Variants in NAV3 observed in about 807,000 individuals in gnomAD.
The protein encoded by NAV3 is neuron navigator 3.
NAV3 carries 87 observed loss-of-function variants against 244.7 expected under a neutral mutation model. The ratio of observed to expected loss-of-function variants is 0.36; its 90% CI spans 0.30 to 0.42. NAV3 has a LOEUF of 0.42. Ranked by LOEUF, NAV3 falls within the 20% of genes least tolerant of loss-of-function variation. The pLI, the probability that NAV3 is intolerant of heterozygous loss-of-function variation, is 1.00. For missense variants in NAV3, 2,663 were observed against 2,893.3 expected, an observed-to-expected ratio of 0.92 and a Z score of 1.83; for synonymous variants, 1,126 against 1,042.2, an observed-to-expected ratio of 1.08 and a Z score of -1.55.
intron 1 of NAV3, among the ~76,000 whole-genome samples, chr12:77,863,130 C>T (rs1879497738): frequency 6.6e-6 from 1 of 151,826 alleles, no homozygotes; most frequent in East Asian, 1.9e-4. Context: ...ACCAATCCAA[C>T]AAGTTTATAT....
Position 77,797,442 on chromosome 12 carries a change from A to G in NAV3, c.73-142877A>G, listed in dbSNP as rs75675855. 5.5e-3 allele frequency among the ~76,000 whole-genome samples: 827 copies of G among 150,550 alleles called. 11 individuals carry two copies. Among genetic ancestry groups the G allele is most frequent in the African/African-American group, 0.019 (788 of 40,958 alleles). On this transcript the variant is annotated intron_variant, in intron 2 of 8. Coordinates refer to the NAV3 transcript ENST00000550042. Reference sequence around the variant, plus strand: ...AGTTTGTTATTATAGATTTTATTATATATTTTGGGCAAATTGGTAAACACA... The same window carrying G: ...AGTTTGTTATTATAGATTTTATTATGTATTTTGGGCAAATTGGTAAACACA...
rs779364938 is a variant in NAV3, at chr12:78,007,003, G to T, written c.1465G>T (p.Asp489Tyr). 3 of 1,614,074 alleles carry T rather than the reference G, an allele frequency of 1.9e-6. No homozygotes were observed. Among genetic ancestry groups the T allele is most frequent in the Non-Finnish European group, 2.5e-6 (3 of 1,180,028 alleles). The stretch of plus-strand genomic sequence containing the variant: ...TGAAAAACCAGTCAAAGAAGAGAAG[G>T]ATCAGGTGACAGAGATGGCTCCAAA... ...CTEKPVKEEK[D>Y]QVTEMAPKKT... is the part of the protein sequence containing the mutation. The change falls in exon 8 of 40, where the codon GAT (aspartate) becomes TAT (tyrosine). Residue 489 changes from aspartate to tyrosine, a missense_variant. Around this residue, in one of 6 missense-constraint regions of NAV3, gnomAD observed 1,521 missense variants for 1,497.0 expected, o/e 1.02. Transcript: ENST00000397909.
chr12:78,031,496 T>A (rs533813913), intron 9 of NAV3, among the ~76,000 whole-genome samples: 9 of 152,168 alleles, frequency 5.9e-5, no homozygotes, highest in African/African-American at 1.9e-4. Flanking sequence ...TCAGGACTTT[T>A]CCTGAGGTTG....
intron 8 of NAV3, chr12:78,011,045 A>G (rs1875185211): frequency 1.3e-5 from 2 of 152,148 alleles, no homozygotes; most frequent in South Asian, 4.1e-4. Flanking sequence ...GTAGTTTCAA[A>G]TTTGCTGTTA....
chr12:78,189,975 T>C lies in NAV3; in HGVS notation c.6056-9T>C, dbSNP rs1213399190. On this transcript the variant is annotated splice_polypyrimidine_tract_variant and intron_variant, in intron 33 of 39. Coordinates refer to ENST00000397909, the MANE Select transcript of NAV3 (RefSeq NM_001024383.2). ...ATAAATCATGCTATTTTTTTGTTTCTTCTTTCAGGGGTAGAAGAAAATAGT... is the reference window on the plus strand; with the variant it reads ...ATAAATCATGCTATTTTTTTGTTTCCTCTTTCAGGGGTAGAAGAAAATAGT... 6.2e-7 allele frequency: 1 copy of C among 1,605,638 alleles called. No homozygotes were observed. Among genetic ancestry groups the C allele is most frequent in the Admixed American group, 1.7e-5 (1 of 59,566 alleles).
At chr12:77,963,332 C>T (rs1198063346) in intron 3 of NAV3, among the ~76,000 whole-genome samples, 1 of 152,076 alleles carries the variant, frequency 6.6e-6, no homozygotes, top group African/African-American at 2.4e-5. Context: ...AAAATCCACT[C>T]AAATTATCTT....
At chr12:77,830,461 T>A (rs1296640304), upstream of NAV3, among the ~76,000 whole-genome samples, 1 of 152,254 alleles carries the variant, frequency 6.6e-6, no homozygotes, top group Non-Finnish European at 1.5e-5. Context: ...CATAAAATGC[T>A]TAGCTCCATA....
intron 2 of NAV3, among the ~76,000 whole-genome samples, chr12:77,692,370 G>T (rs1169921514): frequency 6.6e-6 from 1 of 151,964 alleles, no homozygotes; most frequent in African/African-American, 2.4e-5. Context: ...TGGGTCAAAG[G>T]CACTGTTCTA....
At chr12:78,079,618 A>C (rs1365772263) in intron 12 of NAV3, among the ~76,000 whole-genome samples, 2 of 152,252 alleles carry the variant, frequency 1.3e-5, no homozygotes, top group Admixed American at 6.5e-5. Flanking sequence ...AAAAATTATT[A>C]GCAGACATCA....
At chr12:77,729,041 G>T (rs1308978502) in intron 2 of NAV3, among the ~76,000 whole-genome samples, 3 of 151,898 alleles carry the variant, frequency 2.0e-5, no homozygotes, top group Non-Finnish European at 4.4e-5. Context: ...TGTATTGTAA[G>T]AATATAGTAT....
Position 78,051,122 on chromosome 12 carries a change from C to T in NAV3, c.2491C>T (p.Leu831Phe), listed in dbSNP as rs765545087. Residue 831 changes from leucine (L) to phenylalanine (F), a missense_variant, in exon 11 of 40, where the codon CTC (leucine) becomes TTC (phenylalanine). By Grantham distance (22) the Leu-to-Phe change is conservative (BLOSUM62 0). Transcript: ENST00000397909. ...TGATGGTGATATCCTTGGGAAAAGTCTCAGGACTGATGACATCAACAGTGG... is the reference window on the plus strand; with the variant it reads ...TGATGGTGATATCCTTGGGAAAAGTTTCAGGACTGATGACATCAACAGTGG... Reference protein sequence around the residue: ...MSDGDILGKSLRTDDINSGYM... With the variant: ...MSDGDILGKSFRTDDINSGYM... The T allele has an allele frequency of 6.2e-7, 1 of 1,611,418 alleles. No homozygotes were observed. Among genetic ancestry groups the T allele is most frequent in the Admixed American group, 1.7e-5 (1 of 59,978 alleles).
At position 78,011,981 on chromosome 12, in the gene NAV3, G is replaced by A. The variant is rs1164933994; in HGVS notation, c.1907+4536G>A. On this transcript the variant is annotated intron_variant, in intron 8 of 39. Transcript: ENST00000397909. ...CACTCACTATCAGGAGAACAGCATG[G>A]GGGAAACTGCTCCCTTGGTCCCATC... is the stretch of plus-strand genomic sequence containing the variant. Among the ~76,000 whole-genome samples, 4 of 152,130 alleles carry A rather than the reference G, an allele frequency of 2.6e-5. No individual in the cohort carries two copies. In the South Asian group the frequency reaches 6.2e-4, roughly 24 times the overall value.
At chr12:78,065,803 A>G (rs981536058) in intron 12 of NAV3, among the ~76,000 whole-genome samples, 1 of 152,160 alleles carries the variant, frequency 6.6e-6, no homozygotes, top group Non-Finnish European at 1.5e-5. Flanking sequence ...CAAAAGGGAC[A>G]GGATGAAGAT....
intron 12 of NAV3, among the ~76,000 whole-genome samples, chr12:78,101,482 A>G (rs1436236778): frequency 6.6e-6 from 1 of 152,146 alleles, no homozygotes; most frequent in Non-Finnish European, 1.5e-5. Flanking sequence ...TTACATATAC[A>G]TTTTGTAGGT....
At chr12:78,163,012 C>T (rs1957630076) in intron 23 of NAV3, among the ~76,000 whole-genome samples, 1 of 145,440 alleles carries the variant, frequency 6.9e-6, no homozygotes, top group African/African-American at 2.5e-5. Flanking sequence ...ATAAGCACTA[C>T]TGAAAAAAGT....
At chr12:77,647,599 A>G (rs1269982128) in intron 2 of NAV3, among the ~76,000 whole-genome samples, 2 of 152,124 alleles carry the variant, frequency 1.3e-5, no homozygotes, top group Non-Finnish European at 2.9e-5. Context: ...ACCAGTGAAC[A>G]AAATCAAGTC....
chr12:77,723,908 G>T (rs959594450), intron 2 of NAV3, among the ~76,000 whole-genome samples: 3 of 151,622 alleles, frequency 2.0e-5, no homozygotes, highest in South Asian at 4.1e-4. Context: ...ATACATATGA[G>T]ATTTAAAGTG....
intron 12 of NAV3, among the ~76,000 whole-genome samples, chr12:78,115,884 T>C (rs1955353012): frequency 6.6e-6 from 1 of 152,208 alleles, no homozygotes; most frequent in African/African-American, 2.4e-5. Flanking sequence ...AATCACCTAA[T>C]GATGCATTTC....
intron 22 of NAV3, among the ~76,000 whole-genome samples, chr12:78,154,250 T>C (rs1285092388): frequency 1.4e-5 from 2 of 144,494 alleles, no homozygotes; most frequent in African/African-American, 5.0e-5. Context: ...TATTTATATA[T>C]TACTATATAA....
Sources: gnomAD v4.1 joint callset for allele counts (sites outside exome capture counted in the v4.1 genomes callset) on GRCh38, gnomAD v4.1.1 for gene constraint, gnomAD v4.1.1 regional missense constraint, MANE v1.5 for transcripts, NCBI Gene and HGNC (gene_info 2026-07-23, HGNC 2026-07-21) for gene names.